The following ITIH3 variants were observed in gnomAD, a reference collection of about 807,000 sequenced individuals.
ITIH3 encodes the protein inter-alpha-trypsin inhibitor heavy chain H3.
In ITIH3, 81 loss-of-function variants were observed where a neutral mutation model predicts 96.5. That is an observed-to-expected ratio of 0.84 (90% CI 0.70 to 1.01). ITIH3 has a LOEUF of 1.01. Among genes scored for constraint, ITIH3 ranks in the 50% least tolerant of loss-of-function variants. ITIH3 has a pLI of 0.00. For synonymous variants in ITIH3, 422 were observed against 445.2 expected, an observed-to-expected ratio of 0.95 and a Z score of 0.66; for missense variants, 1,057 against 1,139.3, an observed-to-expected ratio of 0.93 and a Z score of 1.04.
At chr3:52,800,877 T>C in intron 10 of ITIH3, 88 bp from the exon 11 acceptor site, 2 of 1,540,266 alleles carry the variant, frequency 1.3e-6, no homozygotes, top group Admixed American at 1.8e-5. Flanking sequence ...CAACTCTGCA[T>C]GTGCAGGAGT....
intron 21 of ITIH3, 40 bp downstream of exon 21, chr3:52,808,261 G>A (rs765592264): frequency 2.9e-5 from 44 of 1,529,444 alleles, no homozygotes; most frequent in Non-Finnish European, 3.8e-5. Flanking sequence ...GCTCAGCAAC[G>A]AGAGGAGGAA....
At chr3:52,795,664 G>A (rs1699554023) in intron 2 of ITIH3, 41 bp downstream of exon 2, 1 of 1,595,056 alleles carries the variant, frequency 6.3e-7, no homozygotes, top group Non-Finnish European at 8.6e-7. Context: ...GTGGGGCAGG[G>A]CAGGATGGAG....
chr3:52,796,880 G>T, intron 4 of ITIH3, 37 bp downstream of exon 4: 1 of 1,399,280 alleles, frequency 7.1e-7, no homozygotes, highest in East Asian at 2.4e-5. Context: ...GAGAATGTCT[G>T]GGATCCAAGG....
In ITIH3 at chr3:52,806,154, C is replaced by A; in HGVS notation, c.1942+16C>A. 1 of 1,601,676 alleles carries A rather than the reference C, an allele frequency of 6.2e-7. No individual in the cohort carries two copies. ...TACTACTATGGTGAGTCCCTGGCTG[C>A]TCCTCGGGAAGGCTCAGGGGCCTGG... On this transcript the variant is annotated intron_variant, in intron 17 of 21. Transcript: ENST00000449956.
Position 52,799,063 on chromosome 3 carries a change from T to C in ITIH3, c.761T>C (p.Val254Ala), listed in dbSNP as rs1290966215. 1 of 1,613,492 alleles carries C rather than the reference T, an allele frequency of 6.2e-7. No individual in the cohort carries two copies. Among genetic ancestry groups the C allele is most frequent in the East Asian group, 2.2e-5 (1 of 44,876 alleles). ...LNGDFTITYD[V>A]NRESPGNVQI... ...GGAGATTTCACTATCACCTATGACG[T>C]GAACAGAGAATCTCCTGGCAACGTG... Residue 254 changes from valine (V) to alanine (A), a missense_variant, in exon 7 of 22, where the codon GTG becomes GCG. Val to Ala is a moderately conservative substitution (Grantham distance 64). Coordinates refer to ENST00000449956, the MANE Select transcript of ITIH3 (RefSeq NM_002217.4).
chr3:52,803,412 G>A (rs1236183995), intron 13 of ITIH3, among the ~76,000 whole-genome samples: 5 of 150,486 alleles, frequency 3.3e-5, no homozygotes, highest in South Asian at 2.1e-4. Flanking sequence ...TCCGCCTCCC[G>A]GGTTCACGCC....
chr3:52,802,455 T>C lies in ITIH3; in HGVS notation c.1505T>C (p.Val502Ala). Reference protein sequence around the residue: ...YQHFYDGSEIVVAGRLVDEDM... With the variant: ...YQHFYDGSEIAVAGRLVDEDM... ...CACTTCTACGATGGCTCTGAGATCG[T>C]GGTGGCCGGGCGCCTGGTGGACGAG... is the stretch of plus-strand genomic sequence containing the variant. Residue 502 changes from valine (V) to alanine (A), a missense_variant, in exon 12 of 22, where the codon GTG becomes GCG. Physicochemically the swap from Val to Ala is moderately conservative, Grantham distance 64. Coordinates refer to ENST00000449956, the MANE Select transcript of ITIH3 (RefSeq NM_002217.4). 2 of 1,613,906 alleles carry C rather than the reference T, an allele frequency of 1.2e-6. No homozygotes were observed. Among genetic ancestry groups the C allele is most frequent in the Non-Finnish European group, 8.5e-7 (1 of 1,179,866 alleles).
rs528799822 is a variant in ITIH3 at position 52,802,454 on chromosome 3, G to A, written c.1504G>A (p.Val502Met). The stretch of plus-strand genomic sequence containing the variant: ...GCACTTCTACGATGGCTCTGAGATC[G>A]TGGTGGCCGGGCGCCTGGTGGACGA... ...YQHFYDGSEI[V>M]VAGRLVDEDM... Residue 502 changes from valine (V) to methionine (M), a missense_variant, in exon 12 of 22, where the codon GTG becomes ATG. By Grantham distance (21) the Val-to-Met change is conservative. Transcript: ENST00000449956. The A allele has an allele frequency of 1.1e-5, 18 of 1,614,006 alleles. No homozygotes were observed. The highest frequency in any genetic ancestry group is 3.3e-5 in the South Asian group (3 of 91,080).
chr3:52,794,823 CCT>C lies in ITIH3; in HGVS notation c.21_22del (p.Cys8SerfsTer72). ...TCAGCGATGGCATTTGCATGGTGGC[CCT>C]GTCTCATCTTGGCTCTGCTCTCCAG... On this transcript the variant is annotated frameshift_variant, in exon 1 of 22. Coordinates refer to ENST00000449956, the MANE Select transcript of ITIH3 (RefSeq NM_002217.4). LOFTEE classifies it high-confidence loss of function. The C allele has an allele frequency of 6.2e-7, 1 of 1,613,932 alleles. No homozygotes were observed. Among genetic ancestry groups the C allele is most frequent in the Non-Finnish European group, 8.5e-7 (1 of 1,179,848 alleles).
Position 52,805,814 on chromosome 3 carries a change from C to G in ITIH3, c.1880C>G (p.Pro627Arg). ...DKPGEDAEAT[P>R]VSPAMSYLTS... ...CTGCCCTTCGGCTTTTCAGCCACAC[C>G]GGTGAGCCCCGCCATGTCCTACCTG... The change falls in exon 16 of 22, where the codon CCG (proline) becomes CGG (arginine). Residue 627 changes from proline to arginine, a missense_variant. Coordinates refer to ENST00000449956, the MANE Select transcript of ITIH3 (RefSeq NM_002217.4). The G allele has an allele frequency of 6.2e-7, 1 of 1,613,790 alleles. No individual in the cohort carries two copies. The highest frequency in any genetic ancestry group is 8.5e-7 in the Non-Finnish European group (1 of 1,179,792).
intron 2 of ITIH3, 32 bp downstream of exon 2, chr3:52,795,655 TG>T: frequency 6.2e-7 from 1 of 1,607,190 alleles, no homozygotes; most frequent in Non-Finnish European, 8.5e-7. Context: ...TGGGACCGAG[TG>T]GGGCAGGGCA....
Position 52,794,821 on chromosome 3 carries a change from G to T in ITIH3, c.18G>T (p.Trp6Cys), listed in dbSNP as rs1699514387. 1.2e-6 allele frequency: 2 copies of T among 1,613,908 alleles called. No individual in the cohort carries two copies. The highest frequency in any genetic ancestry group is 1.7e-6 in the Non-Finnish European group (2 of 1,179,828). ...ATTCAGCGATGGCATTTGCATGGTG[G>T]CCCTGTCTCATCTTGGCTCTGCTCT... is the stretch of plus-strand genomic sequence containing the variant. MAFAW[W>C]PCLILALLSS... The change falls in exon 1 of 22, where the codon TGG becomes TGT. Residue 6 changes from tryptophan to cysteine, a missense_variant. Transcript: ENST00000449956.
In ITIH3 at chr3:52,799,016, C is replaced by G. The variant is rs199503739; in HGVS notation, c.714C>G (p.Thr238=). The G allele has an allele frequency of 1.2e-3, 1,886 of 1,613,646 alleles. 1 individual carries two copies. The highest frequency in any genetic ancestry group is 1.5e-3 in the Non-Finnish European group (1,723 of 1,179,736). ...PSLDQQRSCP[T]CTDSLLNGDF... ...TAGACCAACAGCGTTCATGCCCAAC[C>G]TGTACAGACTCCCTCCTCAATGGAG... is the stretch of plus-strand genomic sequence containing the variant. Residue 238 remains threonine (T), a synonymous_variant, in exon 7 of 22, where the codon ACC becomes ACG. Coordinates refer to ENST00000449956, the MANE Select transcript of ITIH3 (RefSeq NM_002217.4).
chr3:52,808,044 AGGCCAGT>A lies in ITIH3; in HGVS notation c.2432-60_2432-54del, dbSNP rs1246591569. The A allele has an allele frequency of 8.2e-6, 13 of 1,587,036 alleles. No homozygotes were observed. The Admixed American group carries it at 2.0e-4, about 25-fold the overall frequency. ...ATTCAGCCTTTGCATCAACCCTGAA[AGGCCAGT>A]GGCCACGTTACCCGTGGCAATGGCC... On this transcript the variant is annotated intron_variant, in intron 20 of 21. Coordinates refer to ENST00000449956, the MANE Select transcript of ITIH3 (RefSeq NM_002217.4).
rs771492486 is a variant in ITIH3, at chr3:52,805,828, A to G, written c.1894A>G (p.Met632Val). 2.5e-6 allele frequency: 4 copies of G among 1,613,656 alleles called. No individual in the cohort carries two copies. Among genetic ancestry groups the G allele is most frequent in the Non-Finnish European group, 8.5e-7 (1 of 1,179,788 alleles). Residue 632 changes from methionine (M) to valine (V), a missense_variant, in exon 16 of 22, where the codon ATG (methionine) becomes GTG (valine). Transcript: ENST00000449956. ...DAEATPVSPA[M>V]SYLTSYQPPQ... ...TTCAGCCACACCGGTGAGCCCCGCCATGTCCTACCTGAGTGAGTACATGCT... is the reference window on the plus strand; with the variant it reads ...TTCAGCCACACCGGTGAGCCCCGCCGTGTCCTACCTGAGTGAGTACATGCT...
At position 52,803,628 on chromosome 3, in the gene ITIH3, G is replaced by A. The variant is rs531114782; in HGVS notation, c.1710-227G>A. On this transcript the variant is annotated intron_variant, in intron 13 of 21. Transcript: ENST00000449956. ...GCCACCATGCCCGGCCGGTCCTTAC[G>A]TTTTATAGGTGGGGAAACCAAGGTC... is the stretch of plus-strand genomic sequence containing the variant. Among the ~76,000 whole-genome samples, 32 of 152,306 alleles carry A rather than the reference G, an allele frequency of 2.1e-4. 1 individual carries two copies. The highest frequency in any genetic ancestry group is 1.2e-3 in the Admixed American group (18 of 15,304).
At chr3:52,807,255 AG>A (rs1197603879) in intron 19 of ITIH3, 150 bp downstream of exon 19, 1 of 760,018 alleles carries the variant, frequency 1.3e-6, no homozygotes, top group African/African-American at 1.8e-5. Flanking sequence ...GTCACAGGGG[AG>A]GGTGACCATA....
intron 6 of ITIH3, among the ~76,000 whole-genome samples, chr3:52,798,273 G>A (rs1699673067): frequency 6.6e-6 from 1 of 152,206 alleles, no homozygotes; most frequent in Non-Finnish European, 1.5e-5. Context: ...CACAATGAGA[G>A]GTGAAAGACT....
chr3:52,800,431 T>C, intron 9 of ITIH3, 107 bp from the exon 10 acceptor site: 2 of 1,388,670 alleles, frequency 1.4e-6, no homozygotes, highest in Non-Finnish European at 9.8e-7. Flanking sequence ...GATAGGGTCC[T>C]TGGGCACATG....
Sources: gnomAD v4.1 joint callset for allele counts (sites outside exome capture counted in the v4.1 genomes callset) on GRCh38, gnomAD v4.1.1 for gene constraint, MANE v1.5 for transcripts, NCBI Gene and HGNC (gene_info 2026-07-23, HGNC 2026-07-21) for gene names.